The following PLGRKT variants were observed in gnomAD, a reference collection of about 807,000 sequenced individuals.
PLGRKT encodes the protein plasminogen receptor with a C-terminal lysine.
In PLGRKT, 22 loss-of-function variants were observed where a neutral mutation model predicts 18.5. The ratio of observed to expected loss-of-function variants is 1.19; its 90% CI spans 0.85 to 1.70. PLGRKT has a LOEUF of 1.70. Ranked by LOEUF, PLGRKT falls within the 40% of genes most tolerant of loss-of-function variation. The probability of loss-of-function intolerance (pLI) is 0.00; values close to 1 mark genes in which losing one functional copy is unlikely to be tolerated. For synonymous variants in PLGRKT, 72 were observed against 52.8 expected (o/e 1.36, Z -1.58); for missense variants, 235 against 174.4 (o/e 1.35, Z -1.96).
intron 3 of PLGRKT, among the ~76,000 whole-genome samples, chr9:5,422,652 A>G (rs930566917): frequency 1.3e-5 from 2 of 152,246 alleles, no homozygotes; most frequent in Admixed American, 6.5e-5. Flanking sequence ...ATTAGGTTGC[A>G]TATGATAGGA....
chr9:5,417,218 C>A (rs1314150258), intron 3 of PLGRKT, among the ~76,000 whole-genome samples: 1 of 152,156 alleles, frequency 6.6e-6, no homozygotes, highest in African/African-American at 2.4e-5. Context: ...GTTTCTTTAT[C>A]TGAGCCAGTT....
intron 3 of PLGRKT, among the ~76,000 whole-genome samples, chr9:5,405,363 C>A (rs1191804522): frequency 6.6e-6 from 1 of 152,168 alleles, no homozygotes; most frequent in East Asian, 1.9e-4. Context: ...AACTATACTA[C>A]AAGGTTACAG....
chr9:5,407,271 C>T (rs1480549735), intron 3 of PLGRKT, among the ~76,000 whole-genome samples: 2 of 152,154 alleles, frequency 1.3e-5, no homozygotes. Context: ...CCCCATATTG[C>T]TAATTTGTCT....
At chr9:5,367,713 T>C (rs984570929) in intron 3 of PLGRKT, among the ~76,000 whole-genome samples, 1 of 152,028 alleles carries the variant, frequency 6.6e-6, no homozygotes, top group Non-Finnish European at 1.5e-5. Flanking sequence ...TCAAAAGCAA[T>C]GACAACAAAA....
chr9:5,429,976 C>T (rs892257437), intron 3 of PLGRKT, among the ~76,000 whole-genome samples: 1 of 152,170 alleles, frequency 6.6e-6, no homozygotes, highest in Admixed American at 6.5e-5. Context: ...CCACAACCCA[C>T]CCCTTGCTCA....
chr9:5,418,551 T>G lies in PLGRKT; in HGVS notation c.81+13346A>C. On this transcript the variant is annotated intron_variant, in intron 3 of 5. Coordinates refer to ENST00000223864, the MANE Select transcript of PLGRKT (RefSeq NM_018465.4). This position sits in a 1 kb window ranked among gnomAD's most constrained non-coding sequence, Gnocchi z 4.2. ...CCGCCACCCCCTGGGGAGCCCTGCC[T>G]TGCAGAGGCTGCTGTCCAGCAGGGA... 1.2e-6 allele frequency: 1 copy of G among 831,626 alleles called. No individual in the cohort carries two copies. Among genetic ancestry groups the G allele is most frequent in the Non-Finnish European group, 2.1e-6 (1 of 477,592 alleles). The allele number at this position is 831,626 out of a possible 1,614,324, so 51.5% of individuals were successfully genotyped here. A position where few individuals can be genotyped will look rare whatever the true frequency, so the allele number is the denominator to read the frequency against.
At chr9:5,368,755 G>A (rs533210019) in intron 3 of PLGRKT, among the ~76,000 whole-genome samples, 37 of 152,068 alleles carry the variant, frequency 2.4e-4, no homozygotes, top group African/African-American at 8.9e-4. Flanking sequence ...ATACCAAAAC[G>A]GATATATAGA....
chr9:5,373,563 G>T (rs1356328360), intron 3 of PLGRKT, among the ~76,000 whole-genome samples: 1 of 152,168 alleles, frequency 6.6e-6, no homozygotes, highest in African/African-American at 2.4e-5. Flanking sequence ...ACTTTGGCTG[G>T]CTGAGGCAGG....
At chr9:5,373,474 C>A (rs1162152890) in intron 3 of PLGRKT, among the ~76,000 whole-genome samples, 1 of 152,104 alleles carries the variant, frequency 6.6e-6, no homozygotes, top group East Asian at 1.9e-4. Context: ...GAACCAAGAC[C>A]CTGGGAAAGA....
intron 3 of PLGRKT, among the ~76,000 whole-genome samples, chr9:5,410,310 T>C (rs938120005): frequency 3.3e-5 from 5 of 151,744 alleles, no homozygotes; most frequent in African/African-American, 1.2e-4. Flanking sequence ...CTGAGTCAAG[T>C]GGATCACTTG....
chr9:5,409,729 C>T (rs1818326001), intron 3 of PLGRKT, among the ~76,000 whole-genome samples: 1 of 152,134 alleles, frequency 6.6e-6, no homozygotes, highest in African/African-American at 2.4e-5. Flanking sequence ...GACATGAAGT[C>T]CAAGAAGATC....
chr9:5,377,193 C>A (rs1018114514), intron 3 of PLGRKT, among the ~76,000 whole-genome samples: 1 of 151,610 alleles, frequency 6.6e-6, no homozygotes, highest in African/African-American at 2.4e-5. Flanking sequence ...CTTAGACACA[C>A]TGTCAAGTGC....
intron 3 of PLGRKT, among the ~76,000 whole-genome samples, chr9:5,426,114 G>C (rs909491552): frequency 6.6e-6 from 1 of 152,056 alleles, no homozygotes; most frequent in African/African-American, 2.4e-5. Context: ...CCATTTTCAG[G>C]GTCCTTTTCA....
intron 3 of PLGRKT, among the ~76,000 whole-genome samples, chr9:5,402,528 G>A (rs1003080305): frequency 6.6e-6 from 1 of 152,022 alleles, no homozygotes; most frequent in East Asian, 1.9e-4. Flanking sequence ...ACTCCTGCTG[G>A]GAACCACACT....
At chr9:5,383,465 G>C (rs1018297182) in intron 3 of PLGRKT, among the ~76,000 whole-genome samples, 1 of 152,040 alleles carries the variant, frequency 6.6e-6, no homozygotes, top group African/African-American at 2.4e-5. Context: ...GTTGACGGAT[G>C]GTTTCAGGAT....
intron 3 of PLGRKT, among the ~76,000 whole-genome samples, chr9:5,403,495 G>C (rs1264544344): frequency 3.3e-5 from 5 of 152,174 alleles, no homozygotes; most frequent in Non-Finnish European, 5.9e-5. Flanking sequence ...AAAGTGCTGG[G>C]ATTACAGGCG....
At position 5,418,998 on chromosome 9, in the gene PLGRKT, G is replaced by A. The variant is rs1586739253; in HGVS notation, c.81+12899C>T. The A allele has an allele frequency of 5.1e-6, 3 of 592,884 alleles. No homozygotes were observed. The highest frequency in any genetic ancestry group is 8.5e-5 in the East Asian group (2 of 23,474). 36.7% of individuals were successfully genotyped at this position (592,884 alleles called of 1,614,324 possible). Reference sequence around the variant, plus strand: ...CCATGGTGGACCCTGAGCAGGAAGGGCAAGGCCAAGGGGAAGGGGAGGGAG... The same window carrying A: ...CCATGGTGGACCCTGAGCAGGAAGGACAAGGCCAAGGGGAAGGGGAGGGAG... On this transcript the variant is annotated intron_variant, in intron 3 of 5. Transcript: ENST00000223864. The surrounding 1 kb of genome is among the most constrained non-coding windows in gnomAD (Gnocchi z 4.2).
chr9:5,405,335 T>A (rs923399294), intron 3 of PLGRKT, among the ~76,000 whole-genome samples: 1 of 152,186 alleles, frequency 6.6e-6, no homozygotes, highest in African/African-American at 2.4e-5. Context: ...GCTGGAGGAA[T>A]CATGCTACCT....
At chr9:5,434,938 A>G (rs1818930376) in intron 2 of PLGRKT, among the ~76,000 whole-genome samples, 1 of 152,152 alleles carries the variant, frequency 6.6e-6, no homozygotes, top group Non-Finnish European at 1.5e-5. Context: ...TGTAGAAAGA[A>G]GTAGACATAG....
Sources: allele counts gnomAD v4.1 joint callset (sites outside exome capture counted in the v4.1 genomes callset), GRCh38; gene constraint gnomAD v4.1.1; non-coding constraint Gnocchi (gnomAD v3.1); transcripts MANE v1.5; gene names NCBI Gene and HGNC (gene_info 2026-07-23, HGNC 2026-07-21).